The following THUMPD2 variants were observed in gnomAD, a reference collection of about 807,000 sequenced individuals.
THUMPD2 encodes the protein U6 snRNA (guanine-N(2))-methyltransferase THUMPD2.
A neutral mutation model predicts 49.4 loss-of-function variants in THUMPD2; 56 were observed. The observed-to-expected ratio is 1.13, with a 90% CI of 0.91 to 1.41. The LOEUF (loss-of-function observed/expected upper bound fraction) is 1.41, where lower values mean the gene tolerates loss of function less well. Among genes scored for constraint, THUMPD2 ranks in the 40% most tolerant of loss-of-function variants. The pLI is 0.00. For synonymous variants in THUMPD2, 237 were observed against 205.2 expected (o/e 1.15, Z -1.32); for missense variants, 709 against 594.5 (o/e 1.19, Z -2.00).
chr2:39,767,417 A>C (rs904914627), intron 4 of THUMPD2, among the ~76,000 whole-genome samples: 18 of 151,304 alleles, frequency 1.2e-4, no homozygotes, highest in Non-Finnish European at 1.2e-4. Flanking sequence ...ATCCCGGCTA[A>C]AACGGTGAAA....
chr2:39,771,787 G>T, intron 1 of THUMPD2, 147 bp from the exon 2 acceptor site: 1 of 821,620 alleles, frequency 1.2e-6, no homozygotes, highest in Non-Finnish European at 1.9e-6. Flanking sequence ...TAGGAACACT[G>T]AATAAGTATT....
chr2:39,752,937 G>A (rs1675608021), intron 8 of THUMPD2, among the ~76,000 whole-genome samples: 1 of 152,116 alleles, frequency 6.6e-6, no homozygotes, highest in African/African-American at 2.4e-5. Flanking sequence ...AGAAGTGCAT[G>A]CCCAACCACT....
At chr2:39,770,518 G>A (rs963794225) in intron 2 of THUMPD2, among the ~76,000 whole-genome samples, 3 of 151,984 alleles carry the variant, frequency 2.0e-5, no homozygotes, top group African/African-American at 7.2e-5. Context: ...GAAAAACTCA[G>A]CTCAGAAACA....
intron 6 of THUMPD2, among the ~76,000 whole-genome samples, chr2:39,756,967 CTG>C (rs997117637): frequency 4.3e-5 from 6 of 140,668 alleles, no homozygotes; most frequent in Admixed American, 2.8e-4. Context: ...AAAAAAGAAA[CTG>C]AGATTTTTGG....
Position 39,779,246 on chromosome 2 carries a change from T to C in THUMPD2, c.-7A>G. The C allele has an allele frequency of 2.7e-6, 4 of 1,486,878 alleles. No homozygotes were observed. The highest frequency in any genetic ancestry group is 3.6e-6 in the Non-Finnish European group (4 of 1,126,280). The allele number at this position is 1,486,878 out of a possible 1,614,324, so 92.1% of individuals were successfully genotyped here. On this transcript the variant is annotated 5_prime_UTR_variant, in exon 1 of 10. Transcript: ENST00000505747. ...CTCCACGCGCCTCCGACATGGCGGC[T>C]CAGGCGCGCCCTCGCGCCTTCGGGT...
At chr2:39,778,405 G>C (rs1361934492) in intron 1 of THUMPD2, among the ~76,000 whole-genome samples, 1 of 152,234 alleles carries the variant, frequency 6.6e-6, no homozygotes, top group Non-Finnish European at 1.5e-5. Flanking sequence ...GGAGCTGCCA[G>C]GGTGGAGGGG....
At chr2:39,772,191 C>T (rs564455414) in intron 1 of THUMPD2, among the ~76,000 whole-genome samples, 15 of 152,192 alleles carry the variant, frequency 9.9e-5, no homozygotes, top group African/African-American at 2.6e-4. Context: ...GGGGCAGATG[C>T]GGAAGTGGGG....
At chr2:39,761,638 T>C (rs1303813269) in intron 5 of THUMPD2, among the ~76,000 whole-genome samples, 1 of 152,206 alleles carries the variant, frequency 6.6e-6, no homozygotes, top group Non-Finnish European at 1.5e-5. Context: ...AGGTAAATTT[T>C]TAGACAACTG....
Position 39,757,708 on chromosome 2 carries a change from C to T in THUMPD2, c.892-1748G>A, listed in dbSNP as rs534959440. Among the ~76,000 whole-genome samples, 4 of 152,314 alleles carry T rather than the reference C, an allele frequency of 2.6e-5. No individual in the cohort carries two copies. In the East Asian group the frequency reaches 7.7e-4, roughly 29 times the overall value. ...GTAGAGATGTATTTCTGTATACTTACAACAACAATTAAGATTTATAGAACT... is the reference window on the plus strand; with the variant it reads ...GTAGAGATGTATTTCTGTATACTTATAACAACAATTAAGATTTATAGAACT... On this transcript the variant is annotated intron_variant, in intron 6 of 9. Coordinates refer to ENST00000505747, the MANE Select transcript of THUMPD2 (RefSeq NM_025264.5).
intron 8 of THUMPD2, among the ~76,000 whole-genome samples, chr2:39,752,400 A>G (rs888161207): frequency 3.3e-5 from 5 of 152,228 alleles, no homozygotes; most frequent in African/African-American, 1.2e-4. Flanking sequence ...CTTAATTCCT[A>G]TAGTAAAAAG....
intron 6 of THUMPD2, chr2:39,757,378 A>G: frequency 7.7e-7 from 1 of 1,303,644 alleles, no homozygotes; most frequent in African/African-American, 1.5e-5. Context: ...CCTAATGGAA[A>G]GAAACAAAAT....
chr2:39,778,941 T>C (rs1159070776), intron 1 of THUMPD2, among the ~76,000 whole-genome samples, 173 bp downstream of exon 1: 1 of 152,214 alleles, frequency 6.6e-6, no homozygotes, highest in African/African-American at 2.4e-5. Context: ...AAAGGAATGG[T>C]GGCTTCTCTC....
At chr2:39,774,516 T>C (rs571460740) in intron 1 of THUMPD2, among the ~76,000 whole-genome samples, 1 of 152,298 alleles carries the variant, frequency 6.6e-6, no homozygotes, top group African/African-American at 2.4e-5. Context: ...GAGGACTTAC[T>C]GTAGTTTAAT....
At chr2:39,767,165 T>C (rs1677632930) in intron 4 of THUMPD2, among the ~76,000 whole-genome samples, 1 of 152,246 alleles carries the variant, frequency 6.6e-6, no homozygotes, top group Non-Finnish European at 1.5e-5. Context: ...GTATCCATAA[T>C]AGCTATTATT....
intron 1 of THUMPD2, among the ~76,000 whole-genome samples, chr2:39,776,241 C>T (rs1679074180): frequency 6.6e-6 from 1 of 151,984 alleles, no homozygotes; most frequent in African/African-American, 2.4e-5. Flanking sequence ...CATCCAGGGA[C>T]TTATGAAGAA....
At chr2:39,740,050 C>A in intron 9 of THUMPD2, among the ~76,000 whole-genome samples, 1 of 152,032 alleles carries the variant, frequency 6.6e-6, no homozygotes, top group East Asian at 1.9e-4. Context: ...ATGTGCCAGG[C>A]AGTTGGATAT....
intron 4 of THUMPD2, among the ~76,000 whole-genome samples, chr2:39,767,949 C>A (rs1677776348): frequency 1.3e-5 from 2 of 152,106 alleles, no homozygotes; most frequent in South Asian, 4.1e-4. Context: ...CATACAAATA[C>A]TTGTTTGTTC....
chr2:39,744,182 T>C (rs994219345), intron 9 of THUMPD2, among the ~76,000 whole-genome samples, 188 bp downstream of exon 9: 2 of 152,124 alleles, frequency 1.3e-5, no homozygotes, highest in African/African-American at 4.8e-5. Flanking sequence ...ATAAAATTTA[T>C]AGTGTAAGAT....
At chr2:39,753,609 CTCTAACT>C (rs1410118710) in intron 8 of THUMPD2, among the ~76,000 whole-genome samples, 2 of 152,198 alleles carry the variant, frequency 1.3e-5, no homozygotes, top group Non-Finnish European at 2.9e-5. Flanking sequence ...AGGTCCTAAA[CTCTAACT>C]TGATCCACCA....
Sources: allele counts gnomAD v4.1 joint callset (sites outside exome capture counted in the v4.1 genomes callset), GRCh38; gene constraint gnomAD v4.1.1; transcripts MANE v1.5; gene names NCBI Gene and HGNC (gene_info 2026-07-23, HGNC 2026-07-21).